Variants in SPSB3 observed in about 807,000 individuals in gnomAD.
SPSB3 encodes the protein splA/ryanodine receptor domain and SOCS box containing 3.
A neutral mutation model predicts 29.5 loss-of-function variants in SPSB3; 18 were observed. That is an observed-to-expected ratio of 0.61 (90% confidence interval 0.42 to 0.91). The LOEUF is 0.91. Ranked by LOEUF, SPSB3 falls within the 40% of genes least tolerant of loss-of-function variation. The probability of loss-of-function intolerance (pLI) is 0.00; values close to 1 mark genes in which losing one functional copy is unlikely to be tolerated. For synonymous variants in SPSB3, 299 were observed against 214.1 expected, an observed-to-expected ratio of 1.40 and a Z score of -3.46; for missense variants, 540 against 507.5, an observed-to-expected ratio of 1.06 and a Z score of -0.61.
chr16:1,781,180 TAA>T (rs1265725117), intron 2 of SPSB3, 176 bp downstream of exon 2: 1 of 1,537,488 alleles, frequency 6.5e-7, no homozygotes, highest in South Asian at 1.2e-5. Context: ...TTTGCCAAAT[TAA>T]AGAGTCTTAC....
At chr16:1,781,066 A>G in intron 2 of SPSB3, 1 of 1,065,496 alleles carries the variant, frequency 9.4e-7, no homozygotes, top group Non-Finnish European at 1.3e-6. Context: ...ATGAACCAAA[A>G]GCAACTGCCA....
rs372873109 is a variant in SPSB3 at position 1,777,359 on chromosome 16, C to T, written c.806G>A (p.Arg269His). The change falls in exon 7 of 7, where the codon CGC (arginine) becomes CAC (histidine). Residue 269 changes from arginine (R) to histidine (H), a missense_variant. Coordinates refer to ENST00000566339, the MANE Select transcript of SPSB3 (RefSeq NM_080861.4). ...GAGGGAAGTGGCGCTGGCACAGGAG[C>T]GGGTGACCTTCATGCTGCTCCGGGC... is the stretch of plus-strand genomic sequence containing the variant. ...TAARSSMKVT[R>H]SCASATSLQY... is the part of the protein sequence containing the mutation. The T allele has an allele frequency of 1.2e-5, 20 of 1,605,956 alleles. No homozygotes were observed. The highest frequency in any genetic ancestry group is 1.6e-5 in the Non-Finnish European group (19 of 1,178,398).
In SPSB3 at chr16:1,776,715, G is replaced by A; in HGVS notation, c.*382C>T. The stretch of plus-strand genomic sequence containing the variant: ...ATACGTTTCAGCTCACGCCATGTGG[G>A]TGTTAGACATCAACTCTACATTTAT... On this transcript the variant is annotated 3_prime_UTR_variant, in exon 7 of 7. Coordinates refer to ENST00000566339, the MANE Select transcript of SPSB3 (RefSeq NM_080861.4). 3.1e-6 allele frequency: 1 copy of A among 322,830 alleles called. No homozygotes were observed. Among genetic ancestry groups the A allele is most frequent in the Middle Eastern group, 8.8e-4 (1 of 1,138 alleles). The allele number at this position is 322,830 out of a possible 1,614,324, so 20.0% of individuals were successfully genotyped here.
chr16:1,777,387 C>A lies in SPSB3; in HGVS notation c.778G>T (p.Ala260Ser). 1 of 1,593,332 alleles carries A rather than the reference C, an allele frequency of 6.3e-7. No homozygotes were observed. The highest frequency in any genetic ancestry group is 2.2e-5 in the East Asian group (1 of 44,464). ...GTGACCTTCATGCTGCTCCGGGCCG[C>A]CGTGGAGCACACCATCGGGTAGAAT... ...KRFYPMVCST[A>S]ARSSMKVTRS... The change falls in exon 7 of 7, where the codon GCG (alanine) becomes TCG (serine). Residue 260 changes from alanine (A) to serine (S), a missense_variant. Physicochemically the swap from Ala to Ser is moderately conservative, Grantham distance 99. Transcript: ENST00000566339.
In SPSB3 at chr16:1,776,968, G is replaced by A. The variant is rs1402515814; in HGVS notation, c.*129C>T. The A allele has an allele frequency of 2.8e-6, 3 of 1,066,400 alleles. No homozygotes were observed. Among genetic ancestry groups the A allele is most frequent in the Non-Finnish European group, 4.0e-6 (3 of 748,042 alleles). 66.1% of individuals were successfully genotyped at this position (1,066,400 alleles called of 1,614,324 possible). ...GACTGTCCCAGCCTCGGGAGCAAGA[G>A]ATGGCTCCCTCCGGACGGGCCTCAT... On this transcript the variant is annotated 3_prime_UTR_variant, in exon 7 of 7. Coordinates refer to ENST00000566339, the MANE Select transcript of SPSB3 (RefSeq NM_080861.4).
chr16:1,781,682 G>A (rs942575627), intron 1 of SPSB3, 187 bp from the exon 2 acceptor site: 10 of 610,890 alleles, frequency 1.6e-5, no homozygotes, highest in Non-Finnish European at 2.6e-5. Context: ...ATAAAACCCA[G>A]GTAGATCCTG....
In SPSB3 at chr16:1,776,914, C is replaced by G. The variant is rs182346735; in HGVS notation, c.*183G>C. 9.0e-4 allele frequency: 622 copies of G among 689,344 alleles called. 3 individuals carry two copies. The African/African-American group carries it at 9.6e-3, about 11-fold the overall frequency. The allele number at this position is 689,344 out of a possible 1,614,324, so 42.7% of individuals were successfully genotyped here. On this transcript the variant is annotated 3_prime_UTR_variant, in exon 7 of 7. Coordinates refer to ENST00000566339, the MANE Select transcript of SPSB3 (RefSeq NM_080861.4). ...GCCGCTTCCCCACCCAGCACAGCAG[C>G]AGAGGGGCCCTAGAGCCCCCACAGA... is the stretch of plus-strand genomic sequence containing the variant.
In SPSB3 at chr16:1,777,066, G is replaced by A; in HGVS notation, c.*31C>T. The A allele has an allele frequency of 1.3e-6, 2 of 1,599,858 alleles. No homozygotes were observed. Among genetic ancestry groups the A allele is most frequent in the Non-Finnish European group, 1.7e-6 (2 of 1,172,186 alleles). On this transcript the variant is annotated 3_prime_UTR_variant, in exon 7 of 7. Transcript: ENST00000566339. ...GGGACAGAGGAAAGGGGCTGTCCCA[G>A]CCCAAGAAGGCAGTTCCACTGGGAA...
In SPSB3 at chr16:1,781,544, A is replaced by G. The variant is rs1034489605; in HGVS notation, c.-12-49T>C. 4.4e-6 allele frequency: 7 copies of G among 1,578,888 alleles called. No individual in the cohort carries two copies. The African/African-American group carries it at 9.5e-5, about 21-fold the overall frequency. ...GCAAAGGAAGACTCACAGCACTCCC[A>G]GCCCTGAGCTTCCAGGCTGGGCCAC... is the stretch of plus-strand genomic sequence containing the variant. On this transcript the variant is annotated intron_variant, in intron 1 of 6. Transcript: ENST00000566339.
Position 1,781,396 on chromosome 16 carries a change from C to G in SPSB3, c.88G>C (p.Ala30Pro). 1 of 1,612,916 alleles carries G rather than the reference C, an allele frequency of 6.2e-7. No homozygotes were observed. Among genetic ancestry groups the G allele is most frequent in the East Asian group, 2.2e-5 (1 of 44,890 alleles). Reference protein sequence around the residue: ...RDADARAVALAGSTNWGYDSD... With the variant: ...RDADARAVALPGSTNWGYDSD... ...TCGTAGCCCCAGTTAGTGGAGCCTG[C>G]TAGAGCCACGGCCCGGGCATCTGCG... The change falls in exon 2 of 7, where the codon GCA becomes CCA. Residue 30 changes from alanine (A) to proline (P), a missense_variant. Coordinates refer to ENST00000566339, the MANE Select transcript of SPSB3 (RefSeq NM_080861.4).
At position 1,777,353 on chromosome 16, in the gene SPSB3, C is replaced by T. The variant is rs1215290397; in HGVS notation, c.812G>A (p.Cys271Tyr). Residue 271 changes from cysteine to tyrosine, a missense_variant, in exon 7 of 7, where the codon TGT (cysteine) becomes TAT (tyrosine). Cys to Tyr is a radical substitution (Grantham distance 194, BLOSUM62 -2). Transcript: ENST00000566339. ...ARSSMKVTRSCASATSLQYLC... is the reference protein window; with the variant it reads ...ARSSMKVTRSYASATSLQYLC... ...GTACTGGAGGGAAGTGGCGCTGGCA[C>T]AGGAGCGGGTGACCTTCATGCTGCT... 1 of 1,606,834 alleles carries T rather than the reference C, an allele frequency of 6.2e-7. No homozygotes were observed. Among genetic ancestry groups the T allele is most frequent in the East Asian group, 2.2e-5 (1 of 44,806 alleles).
At chr16:1,781,007 A>G (rs1896686927) in intron 2 of SPSB3, 2 of 481,310 alleles carry the variant, frequency 4.2e-6, no homozygotes, top group Non-Finnish European at 7.0e-6. Context: ...TGCTAGGATT[A>G]TAGGTGTGAG....
At chr16:1,779,043 G>C (rs1412085015) in intron 2 of SPSB3, 1 of 165,908 alleles carries the variant, frequency 6.0e-6, no homozygotes, top group Non-Finnish European at 1.3e-5. Flanking sequence ...CCACACTGTG[G>C]CCCAACGACC....
rs1190037304 is a variant in SPSB3, at chr16:1,776,785, T to C, written c.*312A>G. ...GACGGCGGGGCAGCCGCTGACAGCA[T>C]GCAGAGCAAGTTAGGAAAAACCGAG... On this transcript the variant is annotated 3_prime_UTR_variant, in exon 7 of 7. Coordinates refer to ENST00000566339, the MANE Select transcript of SPSB3 (RefSeq NM_080861.4). 3.0e-5 allele frequency: 14 copies of C among 470,850 alleles called. No individual in the cohort carries two copies. In the East Asian group the frequency reaches 4.8e-4, roughly 16 times the overall value. The allele number at this position is 470,850 out of a possible 1,614,324, so 29.2% of individuals were successfully genotyped here. A position where few individuals can be genotyped will look rare whatever the true frequency, so the allele number is the denominator to read the frequency against.
chr16:1,778,346 CA>C (rs769550829), intron 3 of SPSB3, 25 bp from the exon 4 acceptor site: 2 of 1,611,318 alleles, frequency 1.2e-6, no homozygotes, highest in Non-Finnish European at 1.7e-6. Flanking sequence ...CAGGCTGGGG[CA>C]GCCCTGAGAG....
chr16:1,777,202 G>A lies in SPSB3; in HGVS notation c.963C>T (p.Cys321=), dbSNP rs143970471. ...NKLGWVLSMS[C]SRRKAPVSDP... ...CGGACACTGGAGCCTTGCGGCGGCTGCAACTCATGCTCAGGACCCAGCCCA... is the reference window on the plus strand; with the variant it reads ...CGGACACTGGAGCCTTGCGGCGGCTACAACTCATGCTCAGGACCCAGCCCA... Residue 321 remains cysteine (C), a synonymous_variant, in exon 7 of 7, where the codon TGC becomes TGT. Transcript: ENST00000566339. 17 of 1,610,266 alleles carry A rather than the reference G, an allele frequency of 1.1e-5. No homozygotes were observed. In the African/African-American group the frequency reaches 2.0e-4, roughly 19 times the overall value.
At chr16:1,780,219 A>G (rs1342524386) in intron 2 of SPSB3, 1 of 152,374 alleles carries the variant, frequency 6.6e-6, no homozygotes, top group African/African-American at 2.4e-5. Context: ...TCCCACAGCC[A>G]TGACCCTGCG....
At chr16:1,778,657 ACCCTCTCACCCTTG>A in intron 2 of SPSB3, 45 bp from the exon 3 acceptor site, 1 of 1,510,308 alleles carries the variant, frequency 6.6e-7, no homozygotes, top group Non-Finnish European at 8.8e-7. Flanking sequence ...CCCGCTCTCT[ACCCTCTCACCCTTG>A]CCCTCTGTCC....
intron 5 of SPSB3, 27 bp from the exon 6 acceptor site, chr16:1,777,899 C>T (rs776479172): frequency 2.5e-6 from 4 of 1,611,574 alleles, no homozygotes; most frequent in Admixed American, 3.3e-5. Flanking sequence ...TCGCAGTGAG[C>T]CCGGGAGCTC....
Sources: gnomAD v4.1 joint callset for allele counts on GRCh38, gnomAD v4.1.1 for gene constraint, MANE v1.5 for transcripts, NCBI Gene and HGNC (gene_info 2026-07-23, HGNC 2026-07-21) for gene names.